Variants in ATF7 observed in about 807,000 individuals in gnomAD.
ATF7 encodes activating transcription factor 7, also known as cyclic AMP-dependent transcription factor ATF-7.
A neutral mutation model predicts 50.4 loss-of-function variants in ATF7; 10 were observed. The observed-to-expected ratio is 0.20, with a 90% CI of 0.12 to 0.34. The LOEUF is 0.34. Among genes scored for constraint, ATF7 ranks in the 10% least tolerant of loss-of-function variants. ATF7 has a pLI of 1.00. For synonymous variants in ATF7, 201 were observed against 226.4 expected (o/e 0.89, Z 1.01); for missense variants, 465 against 613.9 (o/e 0.76, Z 2.56).
At chr12:53,613,749 G>A (rs1340641067) in intron 1 of ATF7, among the ~76,000 whole-genome samples, 1 of 151,558 alleles carries the variant, frequency 6.6e-6, no homozygotes, top group Admixed American at 6.6e-5. Context: ...TCAAACTCCT[G>A]GACTCAAGCA....
chr12:53,568,191 A>G (rs1332048831), intron 2 of ATF7, among the ~76,000 whole-genome samples: 7 of 152,232 alleles, frequency 4.6e-5, no homozygotes, highest in Admixed American at 1.3e-4. Flanking sequence ...AGTAGAGCAC[A>G]TACAAGTCAG....
Position 53,578,243 on chromosome 12 carries a change from G to A in ATF7, c.48+22710C>T, listed in dbSNP as rs140168195. Among the ~76,000 whole-genome samples the A allele has an allele frequency of 2.1e-3, 312 of 151,668 alleles. 2 individuals are homozygous for A. The highest frequency in any genetic ancestry group is 3.0e-3 in the African/African-American group (122 of 41,346). On this transcript the variant is annotated intron_variant, in intron 2 of 11. Coordinates refer to ENST00000420353, the MANE Select transcript of ATF7 (RefSeq NM_006856.3). ...AACAAAATTAGCCAAGTGTCCTGGC[G>A]TGTACCTATAGTCCTAGCTATTTGG...
At chr12:53,548,388 G>A (rs1940089686) in intron 3 of ATF7, among the ~76,000 whole-genome samples, 1 of 152,118 alleles carries the variant, frequency 6.6e-6, no homozygotes, top group Admixed American at 6.5e-5. Flanking sequence ...AGTGAATGCA[G>A]TGGCATGATC....
In ATF7 at chr12:53,534,563, G is replaced by C. The variant is rs1309330356; in HGVS notation, c.499C>G (p.Pro167Ala). Residue 167 changes from proline to alanine, a missense_variant, in exon 6 of 12, where the codon CCA becomes GCA. Transcript: ENST00000420353. Reference sequence around the variant, plus strand: ...ACAGAGGTTGGGGAGGGAAGGGTTGGATGAAGTGGATCATAGCCCAAGTGG... The same window carrying C: ...ACAGAGGTTGGGGAGGGAAGGGTTGCATGAAGTGGATCATAGCCCAAGTGG... The part of the protein sequence containing the change: ...PLHLGYDPLH[P>A]TLPSPTSVIT... 2 of 1,613,928 alleles carry C rather than the reference G, an allele frequency of 1.2e-6. No homozygotes were observed. The highest frequency in any genetic ancestry group is 1.7e-6 in the Non-Finnish European group (2 of 1,179,864).
chr12:53,583,563 G>C (rs1257086255), intron 2 of ATF7, among the ~76,000 whole-genome samples: 1 of 151,900 alleles, frequency 6.6e-6, no homozygotes, highest in Non-Finnish European at 1.5e-5. Context: ...CCCAGTCCAT[G>C]AAAAAAATTC....
downstream of ATF7, chr12:53,507,972 AG>A (rs1485812607): frequency 6.5e-6 from 1 of 154,584 alleles, no homozygotes; most frequent in African/African-American, 2.4e-5. Flanking sequence ...GCTGGCAGTC[AG>A]GGCAACACAG....
intron 9 of ATF7, among the ~76,000 whole-genome samples, chr12:53,526,470 G>C (rs1326171177): frequency 6.6e-6 from 1 of 152,000 alleles, no homozygotes; most frequent in African/African-American, 2.4e-5. Flanking sequence ...TTTATTGTAG[G>C]AATACAGTAG....
At chr12:53,534,453 A>G in intron 6 of ATF7, 49 bp downstream of exon 6, 1 of 1,606,758 alleles carries the variant, frequency 6.2e-7, no homozygotes, top group Non-Finnish European at 8.5e-7. Context: ...GTTTCATGTA[A>G]TGGAAAGAAA....
intron 2 of ATF7, among the ~76,000 whole-genome samples, chr12:53,557,578 CCACT>C (rs1301456172): frequency 6.6e-6 from 1 of 152,178 alleles, no homozygotes; most frequent in Non-Finnish European, 1.5e-5. Flanking sequence ...TGGCAAATAG[CCACT>C]CACTCAGGGA....
At chr12:53,582,993 A>G (rs1337647787) in intron 2 of ATF7, among the ~76,000 whole-genome samples, 1 of 152,244 alleles carries the variant, frequency 6.6e-6, no homozygotes, top group African/African-American at 2.4e-5. Context: ...AAGCAAAGAT[A>G]ATCTTTTCAA....
intron 11 of ATF7, among the ~76,000 whole-genome samples, chr12:53,520,066 T>C (rs1342955353): frequency 1.3e-5 from 2 of 152,224 alleles, no homozygotes; most frequent in Non-Finnish European, 1.5e-5. Context: ...ACTGAACTTC[T>C]TGAAACACTT....
chr12:53,600,364 G>A (rs1395866713), intron 2 of ATF7, among the ~76,000 whole-genome samples: 1 of 151,252 alleles, frequency 6.6e-6, no homozygotes, highest in Non-Finnish European at 1.5e-5. Context: ...TTTTGAGACG[G>A]AGTTTCGCTC....
At chr12:53,624,082 A>G (rs1401779050) in intron 1 of ATF7, among the ~76,000 whole-genome samples, 3 of 152,202 alleles carry the variant, frequency 2.0e-5, no homozygotes, top group African/African-American at 7.2e-5. Flanking sequence ...TAGTCAAAGC[A>G]ATCACCAATT....
chr12:53,517,472 C>CT (rs1383994313), intron 11 of ATF7, 118 bp from the exon 12 acceptor site: 403 of 1,022,866 alleles, frequency 3.9e-4, no homozygotes, highest in South Asian at 4.7e-4. Context: ...TGAAACCCAT[C>CT]TTTTTTTTGG....
At chr12:53,538,647 G>A (rs540009895) in intron 4 of ATF7, among the ~76,000 whole-genome samples, 116 of 152,266 alleles carry the variant, frequency 7.6e-4, no homozygotes, top group African/African-American at 2.7e-3. Flanking sequence ...TGGCATTGCA[G>A]TTCAGTTTCA....
intron 3 of ATF7, among the ~76,000 whole-genome samples, chr12:53,548,330 T>C (rs758936002): frequency 6.6e-6 from 1 of 152,070 alleles, no homozygotes; most frequent in Non-Finnish European, 1.5e-5. Flanking sequence ...TTTTCTTTTT[T>C]CTTCTTTCTT....
chr12:53,625,633 A>C (rs1944574843), intron 1 of ATF7, among the ~76,000 whole-genome samples: 1 of 152,278 alleles, frequency 6.6e-6, no homozygotes, highest in South Asian at 2.1e-4. Flanking sequence ...AATTCAATCA[A>C]AATGCCATGA....
At chr12:53,622,735 GACCAA>G (rs1326711040) in intron 1 of ATF7, among the ~76,000 whole-genome samples, 1 of 152,080 alleles carries the variant, frequency 6.6e-6, no homozygotes, top group East Asian at 1.9e-4. Context: ...CACTTTGAGA[GACCAA>G]GGTGGGGAGA....
rs142902717 is a variant in ATF7, at chr12:53,557,277, T to C, written c.49-4640A>G. Among the ~76,000 whole-genome samples the C allele has an allele frequency of 1.4e-3, 207 of 152,188 alleles. 2 individuals carry two copies. The highest frequency in any genetic ancestry group is 4.6e-3 in the African/African-American group (190 of 41,538). ...AGTGCAGTGGCACGATCTTGGCTCA[T>C]TGCAACCTCTGCCCTCCAGACTTAC... is the stretch of plus-strand genomic sequence containing the variant. On this transcript the variant is annotated intron_variant, in intron 2 of 11. Coordinates refer to ENST00000420353, the MANE Select transcript of ATF7 (RefSeq NM_006856.3).
Sources: gnomAD v4.1 joint callset for allele counts (sites outside exome capture counted in the v4.1 genomes callset) on GRCh38, gnomAD v4.1.1 for gene constraint, MANE v1.5 for transcripts, NCBI Gene and HGNC (gene_info 2026-07-23, HGNC 2026-07-21) for gene names.